The following KDM4B variants were observed in gnomAD, a reference collection of about 807,000 sequenced individuals.
KDM4B encodes lysine-specific demethylase 4B.
Under a neutral mutation model 125.2 loss-of-function variants are expected in KDM4B, and 32 were observed. The ratio of observed to expected loss-of-function variants is 0.26; its 90% CI spans 0.19 to 0.34. The LOEUF is 0.34. Ranked by LOEUF, KDM4B falls within the 10% of genes least tolerant of loss-of-function variation. KDM4B has a pLI of 1.00. For missense variants in KDM4B, 1,190 were observed against 1,577.7 expected, an observed-to-expected ratio of 0.75 and a Z score of 4.16; for synonymous variants, 721 against 677.9, an observed-to-expected ratio of 1.06 and a Z score of -0.99.
chr19:5,023,757 A>ATT (rs1694460845), intron 2 of KDM4B, among the ~76,000 whole-genome samples: 1 of 114,502 alleles, frequency 8.7e-6, no homozygotes, highest in African/African-American at 3.7e-5. Context: ...TGTCTTTTTG[A>ATT]ATTTTTTTTT....
intron 3 of KDM4B, among the ~76,000 whole-genome samples, chr19:5,038,705 G>A (rs1220961396): frequency 6.6e-6 from 1 of 152,212 alleles, no homozygotes; most frequent in African/African-American, 2.4e-5. Flanking sequence ...GTTGTGGATC[G>A]CTGTGTGCCT....
chr19:4,973,558 G>C (rs1044538979), intron 1 of KDM4B, among the ~76,000 whole-genome samples: 3 of 152,120 alleles, frequency 2.0e-5, no homozygotes, highest in Admixed American at 6.5e-5. Context: ...AAGAAAATTT[G>C]TATCTTCCCA....
At chr19:5,042,604 T>C (rs2036854696) in intron 5 of KDM4B, among the ~76,000 whole-genome samples, 1 of 151,450 alleles carries the variant, frequency 6.6e-6, no homozygotes. Context: ...AAACATGGCT[T>C]GGGAGGCCTC....
At chr19:5,090,389 T>TCTCTCTCCCC (rs2038655914) in intron 9 of KDM4B, among the ~76,000 whole-genome samples, 1 of 26,268 alleles carries the variant, frequency 3.8e-5, no homozygotes, top group Non-Finnish European at 6.6e-5. Flanking sequence ...CCCATATCTC[T>TCTCTCTCCCC]CCCCCTCTCT....
intron 21 of KDM4B, among the ~76,000 whole-genome samples, chr19:5,147,210 G>T (rs140605532): frequency 6.6e-6 from 1 of 152,310 alleles, no homozygotes; most frequent in Non-Finnish European, 1.5e-5. Flanking sequence ...GGAGATGATA[G>T]AAAACACACA....
intron 11 of KDM4B, among the ~76,000 whole-genome samples, chr19:5,122,969 T>C (rs1302732773): frequency 1.3e-5 from 2 of 152,216 alleles, no homozygotes; most frequent in African/African-American, 4.8e-5. Context: ...AAGTGGAGCA[T>C]TTGCAAACTG....
intron 5 of KDM4B, among the ~76,000 whole-genome samples, chr19:5,041,810 A>T (rs1406609706): frequency 6.6e-6 from 1 of 152,256 alleles, no homozygotes; most frequent in Non-Finnish European, 1.5e-5. Flanking sequence ...GCTGGACGCC[A>T]GAAGTGGGCC....
chr19:4,994,781 G>A (rs2035147455), intron 1 of KDM4B, among the ~76,000 whole-genome samples: 1 of 151,834 alleles, frequency 6.6e-6, no homozygotes, highest in Admixed American at 6.6e-5. Flanking sequence ...CTTCTTTGAT[G>A]TTTTCTTTTG....
At chr19:5,088,655 GC>G (rs139891662) in intron 9 of KDM4B, among the ~76,000 whole-genome samples, 6,314 of 97,664 alleles carry the variant, frequency 0.065, 287 homozygotes, top group African/African-American at 0.21. Flanking sequence ...GACAGGCCAG[GC>G]CCCCCCCCTC....
chr19:5,047,756 G>A, intron 6 of KDM4B, 87 bp downstream of exon 6: 2 of 1,394,346 alleles, frequency 1.4e-6, no homozygotes, highest in East Asian at 2.3e-5. Context: ...GGGCGCCGTG[G>A]CAGGGGCCCC....
intron 9 of KDM4B, among the ~76,000 whole-genome samples, chr19:5,086,460 A>C (rs953368405): frequency 6.6e-6 from 1 of 152,100 alleles, no homozygotes. Flanking sequence ...CTCACCCACA[A>C]ATGAGCAGCC....
chr19:5,131,304 G>A lies in KDM4B; in HGVS notation c.1544G>A (p.Ser515Asn), dbSNP rs751302684. The A allele has an allele frequency of 6.2e-7, 1 of 1,612,274 alleles. No individual in the cohort carries two copies. The highest frequency in any genetic ancestry group is 8.5e-7 in the Non-Finnish European group (1 of 1,179,822). Residue 515 changes from serine (S) to asparagine (N), a missense_variant, in exon 12 of 23, where the codon AGT becomes AAT. Coordinates refer to ENST00000159111, the MANE Select transcript of KDM4B (RefSeq NM_015015.3). ...AATGTCGTGCCCCCTGAGGTGCCCA[G>A]TGAGGAGCTAGAGGCCAAGCCTCGG... is the stretch of plus-strand genomic sequence containing the variant. ...PLNVVPPEVP[S>N]EELEAKPRPI...
At chr19:5,099,290 C>T (rs1599182176) in intron 9 of KDM4B, among the ~76,000 whole-genome samples, 1 of 152,352 alleles carries the variant, frequency 6.6e-6, no homozygotes, top group East Asian at 1.9e-4. Flanking sequence ...TAAGGATTTA[C>T]AACGAGAAGC....
chr19:5,153,491 C>T lies in KDM4B; in HGVS notation c.*1980C>T, dbSNP rs1164614510. The T allele has an allele frequency of 2.6e-5, 4 of 152,236 alleles. No homozygotes were observed. Among genetic ancestry groups the T allele is most frequent in the African/African-American group, 4.8e-5 (2 of 41,460 alleles). The allele number at this position is 152,236 out of a possible 1,614,324, so 9.4% of individuals were successfully genotyped here. ...CTCTGTGCAAAGACGCGGCAAAACC[C>T]AGTGCCCTGGTTTTTCCCCACCCGA... On this transcript the variant is annotated 3_prime_UTR_variant, in exon 23 of 23. Coordinates refer to ENST00000159111, the MANE Select transcript of KDM4B (RefSeq NM_015015.3).
chr19:5,015,656 C>T (rs893257710), intron 1 of KDM4B, among the ~76,000 whole-genome samples: 6 of 152,184 alleles, frequency 3.9e-5, no homozygotes, highest in African/African-American at 1.4e-4. Context: ...TCGAGACCAG[C>T]CTGGACGCTA....
At chr19:5,052,180 C>G (rs2037248417) in intron 6 of KDM4B, among the ~76,000 whole-genome samples, 2 of 152,210 alleles carry the variant, frequency 1.3e-5, no homozygotes, top group Admixed American at 6.5e-5. Context: ...AGTTTTCTCT[C>G]TGGCGTTTTC....
At chr19:5,065,726 G>GGCTCCA (rs1568270915) in intron 6 of KDM4B, among the ~76,000 whole-genome samples, 1 of 152,184 alleles carries the variant, frequency 6.6e-6, no homozygotes, top group Non-Finnish European at 1.5e-5. Flanking sequence ...CCCTGGTTCC[G>GGCTCCA]GCTCCAGCTC....
At chr19:5,137,895 C>T (rs1599259550) in intron 17 of KDM4B, 67 bp from the exon 18 acceptor site, 1 of 1,389,442 alleles carries the variant, frequency 7.2e-7, no homozygotes, top group East Asian at 2.4e-5. Context: ...CACATCACGC[C>T]CAGCCCCTCT....
rs1246844694 is a variant in KDM4B at position 5,035,894 on chromosome 19, C to CGT, written c.141+2864_141+2865insTG. ...GTGTGTGTGTGTGCGCGCGCGCGCGCGCCTGCGCGCACAGGAGACTGAGGT... is the reference window on the plus strand; with the variant it reads ...GTGTGTGTGTGTGCGCGCGCGCGCGCGTGCCTGCGCGCACAGGAGACTGAGGT... On this transcript the variant is annotated intron_variant, in intron 3 of 22. Coordinates refer to ENST00000159111, the MANE Select transcript of KDM4B (RefSeq NM_015015.3). This position sits in a 1 kb window ranked among gnomAD's most constrained non-coding sequence, Gnocchi z 5.3. Among the ~76,000 whole-genome samples the CGT allele has an allele frequency of 3.6e-5, 5 of 138,728 alleles. No individual in the cohort carries two copies. Among genetic ancestry groups the CGT allele is most frequent in the Admixed American group, 2.9e-4 (4 of 13,740 alleles). 91.0% of individuals were successfully genotyped at this position (138,728 alleles called of 152,430 possible).
Sources: gnomAD v4.1 joint callset for allele counts (sites outside exome capture counted in the v4.1 genomes callset) on GRCh38, gnomAD v4.1.1 for gene constraint, Gnocchi (gnomAD v3.1) non-coding constraint, MANE v1.5 for transcripts, NCBI Gene and HGNC (gene_info 2026-07-23, HGNC 2026-07-21) for gene names.